The following DOCK3 variants were observed in gnomAD, a reference collection of about 807,000 sequenced individuals.
DOCK3 encodes dedicator of cytokinesis protein 3.
DOCK3 carries 60 observed loss-of-function variants against 265.6 expected under a neutral mutation model. That is an observed-to-expected ratio of 0.23 (90% confidence interval 0.18 to 0.28). DOCK3 has a LOEUF of 0.28. Among genes scored for constraint, DOCK3 ranks in the 10% least tolerant of loss-of-function variants. The probability of loss-of-function intolerance (pLI) is 1.00; values close to 1 mark genes in which losing one functional copy is unlikely to be tolerated. For synonymous variants in DOCK3, 881 were observed against 938.0 expected, an observed-to-expected ratio of 0.94 and a Z score of 1.11; for missense variants, 1,981 against 2,594.3, an observed-to-expected ratio of 0.76 and a Z score of 5.14.
intron 12 of DOCK3, among the ~76,000 whole-genome samples, chr3:51,206,692 T>C (rs1486949471): frequency 6.6e-6 from 1 of 152,172 alleles, no homozygotes; most frequent in Non-Finnish European, 1.5e-5. Context: ...CTGCCTTAAA[T>C]GACTTGCTGA....
intron 5 of DOCK3, among the ~76,000 whole-genome samples, chr3:50,999,510 C>T (rs889131338): frequency 1.3e-5 from 2 of 152,190 alleles, no homozygotes; most frequent in Non-Finnish European, 2.9e-5. Flanking sequence ...AGTACCCAGA[C>T]CTCTCCTTAT....
At chr3:50,934,768 A>T (rs1158465278) in intron 5 of DOCK3, among the ~76,000 whole-genome samples, 2 of 152,166 alleles carry the variant, frequency 1.3e-5, no homozygotes, top group African/African-American at 4.8e-5. Flanking sequence ...GTAACCTAAT[A>T]AAAAAAGTAA....
intron 3 of DOCK3, among the ~76,000 whole-genome samples, chr3:50,870,086 G>T (rs577911517): frequency 1.8e-4 from 28 of 152,232 alleles, no homozygotes; most frequent in Admixed American, 7.9e-4. Flanking sequence ...TGTATATTCT[G>T]CAGCCTTTGC....
chr3:50,892,464 A>G (rs1480609715), intron 4 of DOCK3, among the ~76,000 whole-genome samples: 1 of 152,122 alleles, frequency 6.6e-6, no homozygotes, highest in Non-Finnish European at 1.5e-5. Context: ...TAAGAAGAGC[A>G]ATTTCACTCT....
At chr3:51,225,504 G>T (rs1436014614) in intron 14 of DOCK3, 145 bp from the exon 15 acceptor site, 30 of 1,291,250 alleles carry the variant, frequency 2.3e-5, no homozygotes, top group African/African-American at 3.0e-5. Context: ...GATACTGGTA[G>T]AATGTCCATC....
At chr3:51,095,866 A>G (rs2109647073) in intron 9 of DOCK3, among the ~76,000 whole-genome samples, 1 of 141,318 alleles carries the variant, frequency 7.1e-6, no homozygotes, top group East Asian at 2.1e-4. Context: ...AAAAAAAAAA[A>G]AAAAAAAAAA....
At chr3:51,093,680 G>A in intron 9 of DOCK3, among the ~76,000 whole-genome samples, 1 of 152,078 alleles carries the variant, frequency 6.6e-6, no homozygotes, top group Non-Finnish European at 1.5e-5. Context: ...TTGCCTGATT[G>A]CCCTGGCCAG....
intron 13 of DOCK3, among the ~76,000 whole-genome samples, chr3:51,213,010 G>T (rs371285523): frequency 6.6e-6 from 1 of 151,592 alleles, no homozygotes; most frequent in South Asian, 2.1e-4. Context: ...TACTTTTCTT[G>T]CCAAATAAAA....
intron 22 of DOCK3, among the ~76,000 whole-genome samples, chr3:51,247,077 A>C (rs757696704): frequency 3.9e-5 from 6 of 152,312 alleles, no homozygotes; most frequent in Admixed American, 1.3e-4. Context: ...CCATAGTATC[A>C]GTCCTTTCTA....
intron 27 of DOCK3, among the ~76,000 whole-genome samples, chr3:51,288,409 AAAATT>A (rs1193831542): frequency 1.3e-5 from 2 of 151,634 alleles, no homozygotes; most frequent in Admixed American, 1.3e-4. Flanking sequence ...AAAAAAAAAA[AAAATT>A]AAGAGAACAA....
intron 9 of DOCK3, among the ~76,000 whole-genome samples, chr3:51,114,359 T>C (rs1238311292): frequency 3.3e-5 from 5 of 152,180 alleles, no homozygotes; most frequent in South Asian, 2.1e-4. Context: ...AGAGCAGAGA[T>C]AGGGTGAGGC....
intron 4 of DOCK3, among the ~76,000 whole-genome samples, chr3:50,922,084 G>C (rs2050504011): frequency 6.6e-6 from 1 of 152,208 alleles, no homozygotes; most frequent in African/African-American, 2.4e-5. Context: ...CTTCAAAGCT[G>C]TCAGACAGGG....
chr3:51,181,392 G>A (rs1560171972), intron 12 of DOCK3, among the ~76,000 whole-genome samples: 1 of 149,068 alleles, frequency 6.7e-6, no homozygotes, highest in Non-Finnish European at 1.5e-5. Flanking sequence ...GCGGTGTTTG[G>A]TTTTTTGTTC....
At chr3:51,204,740 A>G (rs2089065929) in intron 12 of DOCK3, among the ~76,000 whole-genome samples, 2 of 151,474 alleles carry the variant, frequency 1.3e-5, no homozygotes, top group Admixed American at 1.3e-4. Context: ...GGCACTATTC[A>G]CAATAGCAAA....
intron 1 of DOCK3, among the ~76,000 whole-genome samples, chr3:50,768,455 A>T (rs1267223147): frequency 6.6e-6 from 1 of 152,220 alleles, no homozygotes; most frequent in Non-Finnish European, 1.5e-5. Flanking sequence ...CCAGCAGCAC[A>T]TCAAAAAGCT....
At chr3:50,778,642 T>C (rs1414700493) in intron 1 of DOCK3, 33 bp from the exon 2 acceptor site, 6 of 1,513,380 alleles carry the variant, frequency 4.0e-6, no homozygotes, top group Non-Finnish European at 5.4e-6. Flanking sequence ...TGTTTAAAAA[T>C]GCTAATTGGT....
intron 5 of DOCK3, among the ~76,000 whole-genome samples, chr3:51,040,300 T>C (rs762978104): frequency 1.3e-5 from 2 of 152,144 alleles, no homozygotes; most frequent in African/African-American, 2.4e-5. Context: ...TCAGAGGTAC[T>C]GTAAATGTGG....
intron 12 of DOCK3, among the ~76,000 whole-genome samples, chr3:51,187,751 C>CTTTTTTTT: frequency 8.9e-6 from 1 of 112,152 alleles, no homozygotes; most frequent in Non-Finnish European, 1.8e-5. Flanking sequence ...TCTGCACAAG[C>CTTTTTTTT]TTTTTTTTTT....
chr3:50,675,095 G>C lies in DOCK3; in HGVS notation c.-169G>C. The stretch of plus-strand genomic sequence containing the variant: ...CGGAGCCTCGCGGTCCAGACGTGGC[G>C]GGGGTGGCGGCGGCATCCCGGACGG... On this transcript the variant is annotated 5_prime_UTR_variant, in exon 1 of 53. Transcript: ENST00000266037. This position sits in a 1 kb window ranked among gnomAD's most constrained non-coding sequence, Gnocchi z 6.1. 1 of 283,996 alleles carries C rather than the reference G, an allele frequency of 3.5e-6. No individual in the cohort carries two copies. Among genetic ancestry groups the C allele is most frequent in the Non-Finnish European group, 5.3e-6 (1 of 187,840 alleles). 17.6% of individuals were successfully genotyped at this position (283,996 alleles called of 1,614,324 possible).
Sources: gnomAD v4.1 joint callset for allele counts (sites outside exome capture counted in the v4.1 genomes callset) on GRCh38, gnomAD v4.1.1 for gene constraint, Gnocchi (gnomAD v3.1) non-coding constraint, MANE v1.5 for transcripts, NCBI Gene and HGNC (gene_info 2026-07-23, HGNC 2026-07-21) for gene names.